Variants in GAS7 observed in about 807,000 individuals in gnomAD.
GAS7 encodes the protein growth arrest specific 7.
In GAS7, 28 loss-of-function variants were observed where a neutral mutation model predicts 71.1. That is an observed-to-expected ratio of 0.39 (90% confidence interval 0.29 to 0.54). GAS7 has a LOEUF of 0.54. GAS7 is among the 20% of genes least tolerant of loss of function. GAS7 has a pLI of 0.62. For synonymous variants in GAS7, 258 were observed against 245.8 expected (o/e 1.05, Z -0.46); for missense variants, 436 against 627.8 (o/e 0.69, Z 3.27).
At chr17:10,089,390 G>C (rs2073556711) in intron 1 of GAS7, among the ~76,000 whole-genome samples, 1 of 152,160 alleles carries the variant, frequency 6.6e-6, no homozygotes, top group Non-Finnish European at 1.5e-5. Context: ...CAAAGGAGAA[G>C]TGTGCTTGGC....
intron 1 of GAS7, among the ~76,000 whole-genome samples, chr17:10,021,655 T>C (rs951535754): frequency 6.6e-6 from 1 of 152,174 alleles, no homozygotes; most frequent in East Asian, 1.9e-4. Context: ...GCAGCCAGGA[T>C]CAACACGGTG....
chr17:10,026,116 C>T lies in GAS7; in HGVS notation c.184-6219G>A. 3 of 969,298 alleles carry T rather than the reference C, an allele frequency of 3.1e-6. No individual in the cohort carries two copies. The highest frequency in any genetic ancestry group is 3.7e-6 in the Non-Finnish European group (3 of 815,238). 60.0% of individuals were successfully genotyped at this position (969,298 alleles called of 1,614,324 possible). A position where few individuals can be genotyped will look rare whatever the true frequency, so the allele number is the denominator to read the frequency against. ...ACCTCCACCTCCGGGACTCTCTCCC[C>T]CTCCGGAGGTTTCTGAGAACACCTG... On this transcript the variant is annotated intron_variant, in intron 1 of 13. Transcript: ENST00000432992. This position sits in a 1 kb window ranked among gnomAD's most constrained non-coding sequence, Gnocchi z 4.5.
intron 1 of GAS7, among the ~76,000 whole-genome samples, chr17:10,028,982 C>T (rs959043355): frequency 6.6e-6 from 1 of 152,120 alleles, no homozygotes; most frequent in African/African-American, 2.4e-5. Flanking sequence ...AAAGAATAAA[C>T]AAAGGTTGAT....
rs566124717 is a variant in GAS7, at chr17:10,005,093, GCATA to G, written c.304+14680_304+14683del. On this transcript the variant is annotated intron_variant, in intron 2 of 13. Transcript: ENST00000432992. ...TGCACGCATACATGCGTGTGTGCAC[GCATA>G]CATGCATGTGTGTGCGTGTGCACGC... is the stretch of plus-strand genomic sequence containing the variant. 6.2e-3 allele frequency among the ~76,000 whole-genome samples: 938 copies of G among 151,098 alleles called. 3 individuals carry two copies. The highest frequency in any genetic ancestry group is 0.042 in the South Asian group (202 of 4,788).
At chr17:10,039,442 A>G (rs150925161) in intron 1 of GAS7, among the ~76,000 whole-genome samples, 7,227 of 151,978 alleles carry the variant, frequency 0.048, 548 homozygotes, top group African/African-American at 0.16. Flanking sequence ...AACACTTTGG[A>G]AGGCTGAGGT....
intron 1 of GAS7, among the ~76,000 whole-genome samples, chr17:10,137,936 C>G (rs115689080): frequency 0.018 from 2,782 of 151,634 alleles, 86 homozygotes; most frequent in African/African-American, 0.064. Flanking sequence ...AAGATCAGGT[C>G]CCTTCATTTT....
chr17:10,146,801 G>A (rs932845787), intron 1 of GAS7, among the ~76,000 whole-genome samples: 4 of 151,926 alleles, frequency 2.6e-5, no homozygotes, highest in East Asian at 1.9e-4. Context: ...TGGCTAACAC[G>A]GTGAAACCCC....
At chr17:9,986,655 C>T (rs1366066422) in intron 2 of GAS7, among the ~76,000 whole-genome samples, 5 of 152,150 alleles carry the variant, frequency 3.3e-5, no homozygotes, top group South Asian at 4.1e-4. Context: ...TGTGGGGACC[C>T]GATGGGAGGC....
At chr17:10,016,359 T>A (rs183018482) in intron 2 of GAS7, among the ~76,000 whole-genome samples, 1 of 122,360 alleles carries the variant, frequency 8.2e-6, no homozygotes, top group African/African-American at 3.3e-5. Flanking sequence ...CAGTCCAGCC[T>A]GGGTGAAAGA....
At chr17:10,195,888 C>G (rs1567628666) in intron 1 of GAS7, among the ~76,000 whole-genome samples, 1 of 152,100 alleles carries the variant, frequency 6.6e-6, no homozygotes, top group Non-Finnish European at 1.5e-5. Flanking sequence ...CCACATGCCC[C>G]CCTGTTGAAA....
chr17:10,166,001 T>C (rs2074291170), intron 1 of GAS7, among the ~76,000 whole-genome samples: 1 of 126,940 alleles, frequency 7.9e-6, no homozygotes, highest in Non-Finnish European at 1.7e-5. Context: ...CTGGCTTTCT[T>C]TTTCTTTTTC....
intron 1 of GAS7, among the ~76,000 whole-genome samples, chr17:10,020,686 C>T (rs558448527): frequency 9.2e-4 from 139 of 151,866 alleles, no homozygotes; most frequent in Non-Finnish European, 1.6e-3. Context: ...CCGAGGCGGG[C>T]GGATTGCCTA....
At chr17:9,935,951 C>T (rs2068384887) in intron 8 of GAS7, among the ~76,000 whole-genome samples, 1 of 152,202 alleles carries the variant, frequency 6.6e-6, no homozygotes, top group Non-Finnish European at 1.5e-5. Context: ...CAGGAGTAGT[C>T]CTGGCAGTTA....
At chr17:10,038,950 CAA>C (rs1372733663) in intron 1 of GAS7, among the ~76,000 whole-genome samples, 1 of 152,012 alleles carries the variant, frequency 6.6e-6, no homozygotes, top group African/African-American at 2.4e-5. Flanking sequence ...CACAAAGGGA[CAA>C]ATACCATTTG....
intron 1 of GAS7, among the ~76,000 whole-genome samples, chr17:10,158,824 G>A (rs962103872): frequency 5.9e-5 from 9 of 151,900 alleles, no homozygotes; most frequent in South Asian, 2.1e-4. Context: ...GGAGGCCAAG[G>A]TGGGAGGATC....
intron 5 of GAS7, among the ~76,000 whole-genome samples, chr17:9,956,510 T>C (rs553871352): frequency 6.6e-6 from 1 of 152,256 alleles, no homozygotes; most frequent in East Asian, 1.9e-4. Context: ...GACGCGTTCA[T>C]GCTCCTGCCA....
rs780525609 is a variant in GAS7 at position 10,088,256 on chromosome 17, T to TAATAAA, written c.184-68360_184-68359insTTTATT. On this transcript the variant is annotated intron_variant, in intron 1 of 13. Coordinates refer to ENST00000432992, the MANE Select transcript of GAS7 (RefSeq NM_201433.2). Reference sequence around the variant, plus strand: ...ATAATAATAATAATAATAATAATAATAAATATGTATATATGCATAAGGAGT... The same window carrying TAATAAA: ...ATAATAATAATAATAATAATAATAATAATAAAAAATATGTATATATGCATAAGGAGT... Among the ~76,000 whole-genome samples, 270 of 144,562 alleles carry TAATAAA rather than the reference T, an allele frequency of 1.9e-3. 1 individual carries two copies. The highest frequency in any genetic ancestry group is 5.8e-3 in the African/African-American group (225 of 38,994). The allele number at this position is 144,562 out of a possible 152,430, so 94.8% of individuals were successfully genotyped here.
chr17:9,988,560 T>C (rs1350051304), intron 2 of GAS7, among the ~76,000 whole-genome samples: 1 of 152,156 alleles, frequency 6.6e-6, no homozygotes, highest in Non-Finnish European at 1.5e-5. Context: ...ACAAGACATT[T>C]GAAATTCCCT....
chr17:10,037,549 C>T (rs2072778265), intron 1 of GAS7, among the ~76,000 whole-genome samples: 1 of 152,116 alleles, frequency 6.6e-6, no homozygotes, highest in Non-Finnish European at 1.5e-5. Context: ...TCAATGCCAG[C>T]TCCTTGGGTC....
Sources: allele counts gnomAD v4.1 joint callset (sites outside exome capture counted in the v4.1 genomes callset), GRCh38; gene constraint gnomAD v4.1.1; non-coding constraint Gnocchi (gnomAD v3.1); transcripts MANE v1.5; gene names NCBI Gene and HGNC (gene_info 2026-07-23, HGNC 2026-07-21).